Variants in C3orf70 observed in about 807,000 individuals in gnomAD.
C3orf70 encodes chromosome 3 open reading frame 70.
A neutral mutation model predicts 20.7 loss-of-function variants in C3orf70; 15 were observed. That is an observed-to-expected ratio of 0.72 (90% CI 0.48 to 1.11). The LOEUF (loss-of-function observed/expected upper bound fraction) is 1.11, where lower values mean the gene tolerates loss of function less well. C3orf70 is among the 50% of genes most tolerant of loss of function. The probability of loss-of-function intolerance (pLI) is 0.00; values close to 1 mark genes in which losing one functional copy is unlikely to be tolerated. For synonymous variants in C3orf70, 161 were observed against 125.7 expected, an observed-to-expected ratio of 1.28 and a Z score of -1.88; for missense variants, 332 against 317.6, an observed-to-expected ratio of 1.05 and a Z score of -0.34.
intron 1 of C3orf70, among the ~76,000 whole-genome samples, chr3:185,101,111 T>C (rs1715813762): frequency 6.6e-6 from 1 of 152,058 alleles, no homozygotes; most frequent in Non-Finnish European, 1.5e-5. Flanking sequence ...TATATAAAGA[T>C]GAGCTGGTAC....
chr3:185,122,583 A>C (rs1176896304), intron 1 of C3orf70, among the ~76,000 whole-genome samples: 1 of 152,238 alleles, frequency 6.6e-6, no homozygotes, highest in African/African-American at 2.4e-5. Context: ...ATGGGTGCCA[A>C]GGTGATGACA....
chr3:185,134,976 T>A (rs1466177877), intron 1 of C3orf70, among the ~76,000 whole-genome samples: 1 of 152,006 alleles, frequency 6.6e-6, no homozygotes, highest in Non-Finnish European at 1.5e-5. Context: ...CATCTGGCAA[T>A]AATGAGGATG....
At chr3:185,138,191 A>C (rs1346804483) in intron 1 of C3orf70, among the ~76,000 whole-genome samples, 8 of 152,170 alleles carry the variant, frequency 5.3e-5, no homozygotes, top group Non-Finnish European at 1.0e-4. Flanking sequence ...ATCTACATTC[A>C]TTCCTTGATA....
At chr3:185,120,386 CAAAT>C (rs752683272) in intron 1 of C3orf70, among the ~76,000 whole-genome samples, 7 of 151,888 alleles carry the variant, frequency 4.6e-5, no homozygotes, top group Non-Finnish European at 8.8e-5. Context: ...GTATAGTAAA[CAAAT>C]AGATATGCAG....
At chr3:185,091,270 A>G (rs1230848221) in intron 1 of C3orf70, among the ~76,000 whole-genome samples, 1 of 152,140 alleles carries the variant, frequency 6.6e-6, no homozygotes, top group Non-Finnish European at 1.5e-5. Context: ...TGTAGCAAGC[A>G]GAATGGCTCC....
intron 1 of C3orf70, among the ~76,000 whole-genome samples, chr3:185,127,756 A>G (rs16859665): frequency 0.29 from 44,665 of 151,978 alleles, 6,891 homozygotes; most frequent in East Asian, 0.52. Flanking sequence ...TGTTTTTTTA[A>G]TGTCCGAGTA....
intron 1 of C3orf70, among the ~76,000 whole-genome samples, chr3:185,113,778 G>A (rs528731870): frequency 1.5e-4 from 23 of 152,294 alleles, no homozygotes; most frequent in Non-Finnish European, 2.5e-4. Context: ...TGTGGAACAG[G>A]GAAGGGGGAG....
chr3:185,150,984 G>A (rs1716979224), intron 1 of C3orf70, among the ~76,000 whole-genome samples: 1 of 152,160 alleles, frequency 6.6e-6, no homozygotes, highest in Non-Finnish European at 1.5e-5. Context: ...GGGATACAGA[G>A]AGAAGACAGT....
chr3:185,104,509 T>C (rs1387972978), intron 1 of C3orf70, among the ~76,000 whole-genome samples: 3 of 152,120 alleles, frequency 2.0e-5, no homozygotes, highest in Non-Finnish European at 2.9e-5. Context: ...CATTCTATCA[T>C]AAAGACACAT....
In C3orf70 at chr3:185,079,253, C is replaced by T. The variant is rs1286526883; in HGVS notation, c.*3754G>A. 1 of 137,626 alleles carries T rather than the reference C, an allele frequency of 7.3e-6. No individual in the cohort carries two copies. Among genetic ancestry groups the T allele is most frequent in the Non-Finnish European group, 1.5e-5 (1 of 64,524 alleles). 8.5% of individuals were successfully genotyped at this position (137,626 alleles called of 1,614,324 possible). A position where few individuals can be genotyped will look rare whatever the true frequency, so the allele number is the denominator to read the frequency against. ...CCGAGATCGCGCCACTGCACTCCAG[C>T]CTGGGTGAAGGAGCGAGACTCTGTC... is the stretch of plus-strand genomic sequence containing the variant. On this transcript the variant is annotated 3_prime_UTR_variant, in exon 2 of 2. Coordinates refer to ENST00000335012, the MANE Select transcript of C3orf70 (RefSeq NM_001025266.3).
intron 1 of C3orf70, among the ~76,000 whole-genome samples, chr3:185,135,546 A>G (rs1041903758): frequency 3.9e-5 from 6 of 152,240 alleles, no homozygotes; most frequent in Non-Finnish European, 7.3e-5. Context: ...ACAAACATAC[A>G]TTAGACAAAA....
chr3:185,089,003 T>A (rs1715512810), intron 1 of C3orf70, among the ~76,000 whole-genome samples: 1 of 152,226 alleles, frequency 6.6e-6, no homozygotes, highest in African/African-American at 2.4e-5. Context: ...GTTTGTGCTA[T>A]GTCTGAGATA....
At chr3:185,084,165 AGAGT>A (rs931012409) in intron 1 of C3orf70, among the ~76,000 whole-genome samples, 1 of 151,930 alleles carries the variant, frequency 6.6e-6, no homozygotes, top group Non-Finnish European at 1.5e-5. Flanking sequence ...CCTGGGCGAC[AGAGT>A]GAGACCCTGT....
In C3orf70 at chr3:185,110,547, G is replaced by C. The variant is rs374662802; in HGVS notation, c.197-26984C>G. Among the ~76,000 whole-genome samples, 996 of 151,028 alleles carry C rather than the reference G, an allele frequency of 6.6e-3. 6 individuals carry two copies. Among genetic ancestry groups the C allele is most frequent in the African/African-American group, 0.024 (954 of 40,394 alleles). ...AATAAGGGGGACGTGTTAGGAGCAG[G>C]CCCCCCCTCAAAATCTGGCCATAAA... On this transcript the variant is annotated intron_variant, in intron 1 of 1. Transcript: ENST00000335012.
At chr3:185,105,352 C>T (rs1715912004) in intron 1 of C3orf70, among the ~76,000 whole-genome samples, 1 of 152,244 alleles carries the variant, frequency 6.6e-6, no homozygotes, top group Non-Finnish European at 1.5e-5. Context: ...CAAGGAACAC[C>T]TGGCCCACTC....
intron 1 of C3orf70, among the ~76,000 whole-genome samples, chr3:185,090,076 A>C (rs1715533491): frequency 6.6e-6 from 1 of 151,780 alleles, no homozygotes; most frequent in Non-Finnish European, 1.5e-5. Context: ...CTCAGCCTTG[A>C]GACAACCCTG....
At chr3:185,141,357 T>TAA (rs201944333) in intron 1 of C3orf70, among the ~76,000 whole-genome samples, 10 of 145,666 alleles carry the variant, frequency 6.9e-5, no homozygotes, top group South Asian at 4.3e-4. Flanking sequence ...GGCAGTTTCT[T>TAA]AAAAAAAAAA....
chr3:185,134,189 C>CT lies in C3orf70; in HGVS notation c.196+18438dup, dbSNP rs1043527472. Among the ~76,000 whole-genome samples, 41 of 151,716 alleles carry CT rather than the reference C, an allele frequency of 2.7e-4. 1 individual carries two copies. The highest frequency in any genetic ancestry group is 2.6e-3 in the Admixed American group (40 of 15,232). Reference sequence around the variant, plus strand: ...ATACAAATGAAACTTTTTTAGTATTCTTTTTTACATAGGTTGACTTTTTAT... The same window carrying CT: ...ATACAAATGAAACTTTTTTAGTATTCTTTTTTTACATAGGTTGACTTTTTAT... On this transcript the variant is annotated intron_variant, in intron 1 of 1. Transcript: ENST00000335012.
intron 1 of C3orf70, among the ~76,000 whole-genome samples, chr3:185,099,817 C>T (rs1018985304): frequency 1.3e-5 from 2 of 152,140 alleles, no homozygotes; most frequent in African/African-American, 4.8e-5. Context: ...TCAAGAGACC[C>T]ATCTCACATG....
Sources: allele counts gnomAD v4.1 joint callset (sites outside exome capture counted in the v4.1 genomes callset), GRCh38; gene constraint gnomAD v4.1.1; transcripts MANE v1.5; gene names NCBI Gene and HGNC (gene_info 2026-07-23, HGNC 2026-07-21).